The following VAV3 variants were observed in gnomAD, a reference collection of about 807,000 sequenced individuals.
VAV3 encodes vav guanine nucleotide exchange factor 3, also known as guanine nucleotide exchange factor VAV3.
VAV3 carries 94 observed loss-of-function variants against 131.2 expected under a neutral mutation model. The observed-to-expected ratio is 0.72, with a 90% CI of 0.61 to 0.85. VAV3 has a LOEUF of 0.85. VAV3 is among the 40% of genes least tolerant of loss of function. VAV3 has a pLI of 0.00. For missense variants in VAV3, 939 were observed against 1,002.7 expected, an observed-to-expected ratio of 0.94 and a Z score of 0.86; for synonymous variants, 349 against 342.0, an observed-to-expected ratio of 1.02 and a Z score of -0.22.
In VAV3 at chr1:107,574,453, G is replaced by C. The variant is rs1422412133; in HGVS notation, c.2351-255C>G. ...TTCATAAGAACCTCAATCAAAGTAAGGACTAGTTTTTATAAAAATGAAACA... is the reference window on the plus strand; with the variant it reads ...TTCATAAGAACCTCAATCAAAGTAACGACTAGTTTTTATAAAAATGAAACA... On this transcript the variant is annotated intron_variant, in intron 25 of 26. Coordinates refer to ENST00000370056, the MANE Select transcript of VAV3 (RefSeq NM_006113.5). 2.0e-5 allele frequency among the ~76,000 whole-genome samples: 3 copies of C among 151,924 alleles called. No individual in the cohort carries two copies. In the East Asian group the frequency reaches 5.8e-4, roughly 29 times the overall value.
intron 2 of VAV3, among the ~76,000 whole-genome samples, chr1:107,871,329 T>G (rs1312139001): frequency 6.7e-6 from 1 of 149,472 alleles, no homozygotes; most frequent in Non-Finnish European, 1.5e-5. Context: ...CGTCCCCCAT[T>G]CCCCCCCTCT....
chr1:107,964,640 C>A (rs202158637), intron 1 of VAV3, 26 bp downstream of exon 1: 1 of 1,603,482 alleles, frequency 6.2e-7, no homozygotes. Context: ...CGGCTGGAGG[C>A]GGGGCGCCCG....
At chr1:107,600,914 CT>C (rs1391750131) in intron 24 of VAV3, among the ~76,000 whole-genome samples, 5 of 152,178 alleles carry the variant, frequency 3.3e-5, no homozygotes, top group African/African-American at 4.8e-5. Flanking sequence ...TGGCAGTTAT[CT>C]TTGGCTCTGC....
chr1:107,856,432 T>C (rs865831974), intron 2 of VAV3, among the ~76,000 whole-genome samples: 1 of 152,178 alleles, frequency 6.6e-6, no homozygotes, highest in Non-Finnish European at 1.5e-5. Flanking sequence ...TATAACATTT[T>C]TTATGAGTAG....
chr1:107,762,006 G>A (rs1421381575), intron 9 of VAV3, among the ~76,000 whole-genome samples: 1 of 151,056 alleles, frequency 6.6e-6, no homozygotes, highest in Non-Finnish European at 1.5e-5. Flanking sequence ...AAATTACTTT[G>A]AAGTGTCAAA....
At chr1:107,575,025 G>GTT in intron 25 of VAV3, among the ~76,000 whole-genome samples, 1 of 46,676 alleles carries the variant, frequency 2.1e-5, no homozygotes, top group East Asian at 8.1e-4. Flanking sequence ...GCACACGCGC[G>GTT]CGTGTTTAAT....
intron 2 of VAV3, among the ~76,000 whole-genome samples, chr1:107,860,061 A>C (rs1404668006): frequency 6.6e-6 from 1 of 152,196 alleles, no homozygotes; most frequent in East Asian, 1.9e-4. Context: ...TAAATTGTTC[A>C]GCAAAAATAG....
intron 18 of VAV3, among the ~76,000 whole-genome samples, chr1:107,687,709 T>C (rs1253625795): frequency 6.6e-6 from 1 of 152,204 alleles, no homozygotes; most frequent in Non-Finnish European, 1.5e-5. Context: ...CCATTGACAG[T>C]ATTTTCAACA....
chr1:107,894,231 G>C (rs1671462088), intron 1 of VAV3, among the ~76,000 whole-genome samples: 2 of 152,264 alleles, frequency 1.3e-5, no homozygotes, highest in African/African-American at 2.4e-5. Flanking sequence ...TTTTCACACA[G>C]ATCACTTTGA....
At chr1:107,803,054 G>A (rs1026357098) in intron 2 of VAV3, among the ~76,000 whole-genome samples, 12 of 151,718 alleles carry the variant, frequency 7.9e-5, no homozygotes, top group East Asian at 5.8e-4. Flanking sequence ...CTATTTCTTC[G>A]TGGCTTAATC....
intron 2 of VAV3, chr1:107,820,688 T>C (rs930452457): frequency 3.3e-5 from 5 of 152,166 alleles, no homozygotes; most frequent in East Asian, 1.9e-4. Flanking sequence ...GATGTAATTA[T>C]TAAGCCTTAT....
At chr1:107,944,575 C>T (rs1212522002) in intron 1 of VAV3, among the ~76,000 whole-genome samples, 2 of 152,106 alleles carry the variant, frequency 1.3e-5, no homozygotes, top group African/African-American at 2.4e-5. Context: ...AGAATGAACT[C>T]TATTTCTGAA....
chr1:107,868,234 A>G (rs1254223800), intron 2 of VAV3, among the ~76,000 whole-genome samples: 3 of 152,208 alleles, frequency 2.0e-5, no homozygotes, highest in Admixed American at 6.5e-5. Context: ...GAGAAACATC[A>G]AACGTGTTTT....
At chr1:107,830,142 G>C (rs1316316963) in intron 2 of VAV3, among the ~76,000 whole-genome samples, 1 of 152,054 alleles carries the variant, frequency 6.6e-6, no homozygotes, top group Non-Finnish European at 1.5e-5. Flanking sequence ...ACAGGTTCTA[G>C]AAACTATGAG....
chr1:107,797,028 T>C (rs1666583551), intron 2 of VAV3, among the ~76,000 whole-genome samples: 1 of 152,132 alleles, frequency 6.6e-6, no homozygotes, highest in Non-Finnish European at 1.5e-5. Flanking sequence ...CAAAATAAGA[T>C]AGCAGTCCTC....
intron 1 of VAV3, among the ~76,000 whole-genome samples, chr1:107,940,949 A>G (rs1673955393): frequency 6.6e-6 from 1 of 152,056 alleles, no homozygotes; most frequent in Non-Finnish European, 1.5e-5. Flanking sequence ...ATACTTCAAC[A>G]TGGTTAAAAT....
In VAV3 at chr1:107,863,566, G is replaced by T. The variant is rs765171534; in HGVS notation, c.321+11335C>A. Among the ~76,000 whole-genome samples the T allele has an allele frequency of 1.9e-4, 29 of 152,282 alleles. 1 individual carries two copies. In the South Asian group the frequency reaches 2.9e-3, roughly 15 times the overall value. ...GGACCTCAAGATCCAGCTTGCCCCT[G>T]TTGCATCTTACACTCAAGCTGTGAG... On this transcript the variant is annotated intron_variant, in intron 2 of 26. Transcript: ENST00000370056.
intron 15 of VAV3, among the ~76,000 whole-genome samples, chr1:107,723,650 C>T (rs1661651264): frequency 6.6e-6 from 1 of 151,524 alleles, no homozygotes; most frequent in Admixed American, 6.6e-5. Flanking sequence ...AACTCTCTCT[C>T]CCTTGAACTC....
chr1:107,663,607 G>A (rs1570710577), intron 19 of VAV3, among the ~76,000 whole-genome samples: 4 of 152,260 alleles, frequency 2.6e-5, no homozygotes, highest in South Asian at 4.1e-4. Flanking sequence ...CTATAAAGTG[G>A]TCAGAGCTTC....
Sources: gnomAD v4.1 joint callset for allele counts (sites outside exome capture counted in the v4.1 genomes callset) on GRCh38, gnomAD v4.1.1 for gene constraint, MANE v1.5 for transcripts, NCBI Gene and HGNC (gene_info 2026-07-23, HGNC 2026-07-21) for gene names.